CSMD2: variants seen among roughly 807,000 people sequenced by gnomAD.
The protein encoded by CSMD2 is CUB and Sushi multiple domains 2.
CSMD2 carries 130 observed loss-of-function variants against 398.5 expected under a neutral mutation model. The ratio of observed to expected loss-of-function variants is 0.33; its 90% confidence interval spans 0.28 to 0.38. The LOEUF (loss-of-function observed/expected upper bound fraction) is 0.38, where lower values mean the gene tolerates loss of function less well. Among genes scored for constraint, CSMD2 ranks in the 10% least tolerant of loss-of-function variants. CSMD2 has a pLI of 1.00. For missense variants in CSMD2, 3,829 were observed against 4,764.9 expected (o/e 0.80, Z 5.78); for synonymous variants, 1,828 against 1,908.5 (o/e 0.96, Z 1.10).
At chr1:33,889,405 G>C (rs1641829792) in intron 5 of CSMD2, among the ~76,000 whole-genome samples, 1 of 152,156 alleles carries the variant, frequency 6.6e-6, no homozygotes, top group South Asian at 2.1e-4. Flanking sequence ...AAAAGAGTTA[G>C]GGAAATAGCC....
At chr1:33,862,398 T>G (rs1639604214) in intron 5 of CSMD2, 2 of 142,844 alleles carry the variant, frequency 1.4e-5, no homozygotes, top group South Asian at 4.4e-4. Flanking sequence ...TGTGTGTGTC[T>G]GAGCCTGAGC....
chr1:34,159,740 C>G (rs983610760), intron 1 of CSMD2, among the ~76,000 whole-genome samples: 2 of 152,198 alleles, frequency 1.3e-5, no homozygotes, highest in African/African-American at 4.8e-5. Flanking sequence ...CCGGTGAGTA[C>G]TCAGTGAATA....
chr1:33,790,826 T>TATC (rs1553207671), intron 11 of CSMD2, among the ~76,000 whole-genome samples: 32 of 152,184 alleles, frequency 2.1e-4, no homozygotes, highest in African/African-American at 7.5e-4. Context: ...TCTATCTATC[T>TATC]ATCTATCTAT....
At chr1:34,076,363 C>T (rs559743075) in intron 2 of CSMD2, among the ~76,000 whole-genome samples, 3 of 152,342 alleles carry the variant, frequency 2.0e-5, no homozygotes, top group Admixed American at 2.0e-4. Flanking sequence ...TCAAATCAAT[C>T]CACCTCACGG....
intron 60 of CSMD2, among the ~76,000 whole-genome samples, chr1:33,539,081 C>T (rs1178292826): frequency 2.0e-5 from 3 of 152,110 alleles, no homozygotes; most frequent in Admixed American, 6.5e-5. Context: ...CATTCTCCTG[C>T]CCCAACCTCC....
At chr1:33,939,105 T>G (rs1644582489) in intron 3 of CSMD2, among the ~76,000 whole-genome samples, 1 of 151,770 alleles carries the variant, frequency 6.6e-6, no homozygotes, top group Non-Finnish European at 1.5e-5. Flanking sequence ...ACTTACTTGG[T>G]GTTTCCCATG....
intron 20 of CSMD2, 64 bp from the exon 21 acceptor site, chr1:33,714,839 G>A: frequency 6.6e-7 from 1 of 1,523,196 alleles, no homozygotes; most frequent in Non-Finnish European, 9.0e-7. Context: ...CAAAAAGATG[G>A]GAACGCACAG....
At chr1:34,141,734 T>A (rs1639314690) in intron 1 of CSMD2, among the ~76,000 whole-genome samples, 1 of 152,138 alleles carries the variant, frequency 6.6e-6, no homozygotes, top group African/African-American at 2.4e-5. Context: ...GGGGAATGAA[T>A]GATCTGCCTA....
chr1:34,024,598 AT>A (rs1392652111), intron 3 of CSMD2, among the ~76,000 whole-genome samples: 1 of 152,216 alleles, frequency 6.6e-6, no homozygotes. Flanking sequence ...CACAGTACTG[AT>A]TAAAATGAAT....
intron 2 of CSMD2, among the ~76,000 whole-genome samples, chr1:34,060,330 C>T (rs1051725383): frequency 7.2e-5 from 11 of 152,182 alleles, no homozygotes; most frequent in Non-Finnish European, 1.5e-4. Context: ...TTTCTGGGTG[C>T]CAACATGACA....
chr1:33,897,149 G>A (rs1415911702), intron 5 of CSMD2, among the ~76,000 whole-genome samples: 1 of 152,160 alleles, frequency 6.6e-6, no homozygotes, highest in Non-Finnish European at 1.5e-5. Flanking sequence ...CAAGCAATGA[G>A]GAGCCAGGAC....
Position 33,633,315 on chromosome 1 carries a change from G to A in CSMD2, c.5200+107C>T, listed in dbSNP as rs1406443682. On this transcript the variant is annotated intron_variant, in intron 32 of 70. Coordinates refer to ENST00000373381, the MANE Select transcript of CSMD2 (RefSeq NM_001281956.2). This position sits in a 1 kb window ranked among gnomAD's most constrained non-coding sequence, Gnocchi z 5.0. ...CAGAACACGACAGGCACGCAGAGCC[G>A]TAGGGTTCCACCTGCGGCCATGGGG... is the stretch of plus-strand genomic sequence containing the variant. The A allele has an allele frequency of 6.3e-6, 5 of 797,990 alleles. No homozygotes were observed. The highest frequency in any genetic ancestry group is 1.1e-5 in the Non-Finnish European group (5 of 476,164). 49.4% of individuals were successfully genotyped at this position (797,990 alleles called of 1,614,324 possible). A position where few individuals can be genotyped will look rare whatever the true frequency, so the allele number is the denominator to read the frequency against.
chr1:33,615,323 C>T (rs1641312924), intron 39 of CSMD2, among the ~76,000 whole-genome samples: 1 of 152,132 alleles, frequency 6.6e-6, no homozygotes, highest in South Asian at 2.1e-4. Flanking sequence ...TTTTCTTTTG[C>T]ATCTTATTAG....
At chr1:33,936,536 G>A (rs893116694) in intron 3 of CSMD2, among the ~76,000 whole-genome samples, 1 of 152,206 alleles carries the variant, frequency 6.6e-6, no homozygotes, top group Non-Finnish European at 1.5e-5. Context: ...CAGCCTGACT[G>A]GTTTAAAGGG....
At chr1:33,707,906 T>C (rs1284997972) in intron 22 of CSMD2, among the ~76,000 whole-genome samples, 1 of 152,208 alleles carries the variant, frequency 6.6e-6, no homozygotes, top group Non-Finnish European at 1.5e-5. Context: ...CTGGTTCAAC[T>C]TTTTCCAATG....
intron 5 of CSMD2, chr1:33,870,683 T>C (rs1450487821): frequency 1.3e-5 from 2 of 152,190 alleles, no homozygotes; most frequent in Admixed American, 6.5e-5. Flanking sequence ...CTGTCCCTGA[T>C]ATTCACCGTG....
intron 15 of CSMD2, 95 bp downstream of exon 15, chr1:33,739,045 C>A: frequency 8.0e-7 from 1 of 1,247,226 alleles, no homozygotes; most frequent in Non-Finnish European, 1.1e-6. Flanking sequence ...GAAGGACCAA[C>A]GCAGAAAGGA....
chr1:33,866,989 C>A (rs78812286), intron 5 of CSMD2, among the ~76,000 whole-genome samples: 2 of 152,164 alleles, frequency 1.3e-5, no homozygotes, highest in Non-Finnish European at 2.9e-5. Flanking sequence ...GGTGGCTGTT[C>A]CATAATCCTT....
At chr1:33,934,584 T>G (rs149063630) in intron 4 of CSMD2, among the ~76,000 whole-genome samples, 1 of 152,354 alleles carries the variant, frequency 6.6e-6, no homozygotes, top group Admixed American at 6.5e-5. Flanking sequence ...ATATTTGTAA[T>G]ATATGCATAT....
Sources: gnomAD v4.1 joint callset for allele counts (sites outside exome capture counted in the v4.1 genomes callset) on GRCh38, gnomAD v4.1.1 for gene constraint, Gnocchi (gnomAD v3.1) non-coding constraint, MANE v1.5 for transcripts, NCBI Gene and HGNC (gene_info 2026-07-23, HGNC 2026-07-21) for gene names.